Variants in ZNF804B observed in about 807,000 individuals in gnomAD.
The protein encoded by ZNF804B is zinc finger protein 804B, also known as zinc finger 804B.
A neutral mutation model predicts 101.4 loss-of-function variants in ZNF804B; 80 were observed. The observed-to-expected ratio is 0.79, with a 90% CI of 0.66 to 0.95. The LOEUF is 0.95. Among genes scored for constraint, ZNF804B ranks in the 40% least tolerant of loss-of-function variants. The pLI is 0.00. For missense variants in ZNF804B, 1,673 were observed against 1,561.9 expected (o/e 1.07, Z -1.20); for synonymous variants, 622 against 558.8 (o/e 1.11, Z -1.59).
chr7:89,247,389 G>A (rs1189309876), intron 2 of ZNF804B, among the ~76,000 whole-genome samples: 5 of 152,182 alleles, frequency 3.3e-5, no homozygotes, highest in Non-Finnish European at 1.5e-5. Context: ...GAGCTGTGTT[G>A]GTCGCAGCTA....
At chr7:88,794,848 T>A (rs1427313370) in intron 1 of ZNF804B, 2 of 1,613,688 alleles carry the variant, frequency 1.2e-6, no homozygotes, top group South Asian at 2.2e-5. Context: ...TTCTTGAAAG[T>A]GCAGGTAATT....
chr7:89,193,094 G>T (rs891323802), intron 1 of ZNF804B, among the ~76,000 whole-genome samples: 2 of 152,014 alleles, frequency 1.3e-5, no homozygotes, highest in South Asian at 4.1e-4. Context: ...GCAAAAGACA[G>T]GGATGCCCTC....
intron 1 of ZNF804B, among the ~76,000 whole-genome samples, chr7:88,996,680 AC>A: frequency 6.6e-6 from 1 of 152,262 alleles, no homozygotes; most frequent in Middle Eastern, 3.4e-3. Context: ...CATGCTGTTT[AC>A]TTTAAAGCTA....
intron 1 of ZNF804B, among the ~76,000 whole-genome samples, chr7:89,106,365 G>C (rs1418171903): frequency 6.6e-6 from 1 of 152,070 alleles, no homozygotes; most frequent in African/African-American, 2.4e-5. Context: ...AAAAGATTGG[G>C]CACCAGTGTT....
At chr7:89,011,478 T>G (rs1327527780) in intron 1 of ZNF804B, among the ~76,000 whole-genome samples, 1 of 152,162 alleles carries the variant, frequency 6.6e-6, no homozygotes, top group African/African-American at 2.4e-5. Context: ...GACAAGGAAG[T>G]CTTTTCCACC....
In ZNF804B at chr7:89,332,567, G is replaced by T. The variant is rs1791003160; in HGVS notation, c.381-796G>T. On this transcript the variant is annotated intron_variant, in intron 3 of 3. Coordinates refer to ENST00000333190, the MANE Select transcript of ZNF804B (RefSeq NM_181646.5). ...AGGGTATATAGATAGACTGTTAAAGGGCATATAATTTTAATCTAAAGAATT... is the reference window on the plus strand; with the variant it reads ...AGGGTATATAGATAGACTGTTAAAGTGCATATAATTTTAATCTAAAGAATT... 2.6e-5 allele frequency among the ~76,000 whole-genome samples: 4 copies of T among 151,660 alleles called. No individual in the cohort carries two copies. In the South Asian group the frequency reaches 8.3e-4, roughly 32 times the overall value.
At chr7:89,183,291 G>C (rs929463428) in intron 1 of ZNF804B, among the ~76,000 whole-genome samples, 1 of 152,068 alleles carries the variant, frequency 6.6e-6, no homozygotes, top group Non-Finnish European at 1.5e-5. Flanking sequence ...ACCGAAGCCA[G>C]ATCCTGGAGA....
At chr7:89,254,654 T>TTTATTTTTA (rs1232467280) in intron 2 of ZNF804B, among the ~76,000 whole-genome samples, 1 of 144,712 alleles carries the variant, frequency 6.9e-6, no homozygotes, top group African/African-American at 2.6e-5. Flanking sequence ...TTTTATTATT[T>TTTATTTTTA]TTTTTTTTTG....
chr7:88,792,052 G>A (rs1164622547), intron 1 of ZNF804B, among the ~76,000 whole-genome samples: 1 of 152,028 alleles, frequency 6.6e-6, no homozygotes, highest in Non-Finnish European at 1.5e-5. Flanking sequence ...TGAAATTGCT[G>A]GATTGCTCAC....
intron 2 of ZNF804B, among the ~76,000 whole-genome samples, chr7:89,244,367 A>C (rs1584079172): frequency 6.6e-6 from 1 of 152,116 alleles, no homozygotes; most frequent in African/African-American, 2.4e-5. Flanking sequence ...CTTTGCAAAC[A>C]TTGTATACTT....
chr7:89,279,336 C>A (rs1458698611), intron 2 of ZNF804B, among the ~76,000 whole-genome samples: 7 of 151,236 alleles, frequency 4.6e-5, no homozygotes, highest in Non-Finnish European at 1.0e-4. Flanking sequence ...AATTGAATAC[C>A]CTTTATTTCC....
At chr7:89,047,809 C>T (rs1789133862) in intron 1 of ZNF804B, among the ~76,000 whole-genome samples, 1 of 152,026 alleles carries the variant, frequency 6.6e-6, no homozygotes, top group Non-Finnish European at 1.5e-5. Flanking sequence ...TCTAGACTGT[C>T]TAGAACCACT....
At chr7:89,205,971 T>G (rs1788708859) in intron 1 of ZNF804B, among the ~76,000 whole-genome samples, 1 of 152,220 alleles carries the variant, frequency 6.6e-6, no homozygotes, top group African/African-American at 2.4e-5. Context: ...CTCTGAAATC[T>G]AGGCGGAGGT....
chr7:89,056,888 G>C, intron 1 of ZNF804B, among the ~76,000 whole-genome samples: 1 of 152,140 alleles, frequency 6.6e-6, no homozygotes, highest in Non-Finnish European at 1.5e-5. Context: ...GAAGAGATGG[G>C]AAGAAACCTC....
At chr7:89,258,849 C>T (rs1404856305) in intron 2 of ZNF804B, among the ~76,000 whole-genome samples, 1 of 152,096 alleles carries the variant, frequency 6.6e-6, no homozygotes, top group Non-Finnish European at 1.5e-5. Context: ...AGGTTTTCAT[C>T]TTCCTCATCT....
At chr7:89,172,451 A>C (rs973096023) in intron 1 of ZNF804B, among the ~76,000 whole-genome samples, 1 of 152,166 alleles carries the variant, frequency 6.6e-6, no homozygotes, top group African/African-American at 2.4e-5. Context: ...GTTAATCTAT[A>C]CACAGGAGGT....
chr7:89,298,742 A>G, intron 2 of ZNF804B, among the ~76,000 whole-genome samples: 1 of 151,948 alleles, frequency 6.6e-6, no homozygotes, highest in East Asian at 1.9e-4. Context: ...TCATATATAT[A>G]TTTTTAGTAA....
chr7:89,074,308 G>A (rs964395821), intron 1 of ZNF804B, among the ~76,000 whole-genome samples: 2 of 152,162 alleles, frequency 1.3e-5, no homozygotes, highest in Non-Finnish European at 2.9e-5. Flanking sequence ...GTTTGGCTGT[G>A]CCTCCACCCA....
At chr7:89,064,345 G>A (rs1229870006) in intron 1 of ZNF804B, among the ~76,000 whole-genome samples, 1 of 152,138 alleles carries the variant, frequency 6.6e-6, no homozygotes, top group Non-Finnish European at 1.5e-5. Flanking sequence ...TGAAGCTGGG[G>A]CAGCAAGTCC....
Sources: allele counts gnomAD v4.1 joint callset (sites outside exome capture counted in the v4.1 genomes callset), GRCh38; gene constraint gnomAD v4.1.1; transcripts MANE v1.5; gene names NCBI Gene and HGNC (gene_info 2026-07-23, HGNC 2026-07-21).